Variants in DDX47 observed in about 807,000 individuals in gnomAD.
The protein encoded by DDX47 is DEAD-box helicase 47.
Under a neutral mutation model 58.8 loss-of-function variants are expected in DDX47, and 60 were observed. The observed-to-expected ratio is 1.02, with a 90% CI of 0.83 to 1.26. The LOEUF is 1.26. Among genes scored for constraint, DDX47 ranks in the 50% most tolerant of loss-of-function variants. DDX47 has a pLI of 0.00. For missense variants in DDX47, 530 were observed against 573.2 expected, an observed-to-expected ratio of 0.92 and a Z score of 0.77; for synonymous variants, 197 against 204.6, an observed-to-expected ratio of 0.96 and a Z score of 0.32.
chr12:12,824,240 C>T (rs1863017358), intron 8 of DDX47: 1 of 604,140 alleles, frequency 1.7e-6, no homozygotes, highest in Non-Finnish European at 2.7e-6. Flanking sequence ...GGTTTGCAAG[C>T]TGTTGAGTTG....
Position 12,824,644 on chromosome 12 carries a change from G to T in DDX47, c.1002G>T (p.Val334=). 6.2e-7 allele frequency: 1 copy of T among 1,614,148 alleles called. No individual in the cohort carries two copies. The highest frequency in any genetic ancestry group is 8.5e-7 in the Non-Finnish European group (1 of 1,180,020). The change falls in exon 9 of 12, where the codon GTG becomes GTT. Residue 334 remains valine, a synonymous_variant. Coordinates refer to ENST00000358007, the MANE Select transcript of DDX47 (RefSeq NM_016355.4). ...GTTTGGACATACCTCATGTAGATGT[G>T]GTTGTCAACTTTGACATTCCTACCC... ...SRGLDIPHVD[V]VVNFDIPTHS...
chr12:12,814,369 C>A (rs573627632), intron 2 of DDX47, 145 bp downstream of exon 2: 85 of 621,440 alleles, frequency 1.4e-4, no homozygotes, highest in Non-Finnish European at 1.3e-4. Context: ...TTGAAAATGT[C>A]ATTCTCCAAT....
intron 11 of DDX47, among the ~76,000 whole-genome samples, chr12:12,828,780 T>G (rs942756765): frequency 2.6e-5 from 4 of 152,236 alleles, no homozygotes; most frequent in African/African-American, 9.6e-5. Context: ...TGATAACATT[T>G]GGCTATTTTT....
intron 11 of DDX47, among the ~76,000 whole-genome samples, chr12:12,827,876 C>CTTTTTTT (rs58725534): frequency 6.8e-5 from 9 of 132,798 alleles, no homozygotes; most frequent in African/African-American, 1.1e-4. Context: ...TTTCTTTTTT[C>CTTTTTTT]TTTTTTTTTT....
chr12:12,816,126 G>A (rs1862890307), intron 2 of DDX47, among the ~76,000 whole-genome samples: 1 of 152,104 alleles, frequency 6.6e-6, no homozygotes, highest in Non-Finnish European at 1.5e-5. Flanking sequence ...ATACAAAAAA[G>A]GAACGGGGGA....
At chr12:12,827,951 C>G (rs1171958807) in intron 11 of DDX47, among the ~76,000 whole-genome samples, 1 of 147,110 alleles carries the variant, frequency 6.8e-6, no homozygotes, top group Non-Finnish European at 1.5e-5. Flanking sequence ...TCTCGGCTCA[C>G]CACAACCTCC....
Position 12,813,462 on chromosome 12 carries a change from T to C in DDX47, c.87+8T>C. On this transcript the variant is annotated splice_region_variant and intron_variant, in intron 1 of 11. Coordinates refer to ENST00000358007, the MANE Select transcript of DDX47 (RefSeq NM_016355.4). ...AAAACATTTAAAGACCTGGTGAGAA[T>C]GGATGACGCTGGCTTCTTTTATGTA... The C allele has an allele frequency of 6.2e-7, 1 of 1,600,762 alleles. No individual in the cohort carries two copies. The highest frequency in any genetic ancestry group is 8.5e-7 in the Non-Finnish European group (1 of 1,173,258).
chr12:12,829,410 T>C lies in DDX47; in HGVS notation c.1237-13T>C. ...ATTCATTTTCAATCCCATCCTCTCTTTTTTTCTTGCAGGAGTTAAGGGAGC... is the reference window on the plus strand; with the variant it reads ...ATTCATTTTCAATCCCATCCTCTCTCTTTTTCTTGCAGGAGTTAAGGGAGC... On this transcript the variant is annotated splice_polypyrimidine_tract_variant and intron_variant, in intron 11 of 11. Coordinates refer to ENST00000358007, the MANE Select transcript of DDX47 (RefSeq NM_016355.4). The C allele has an allele frequency of 1.3e-6, 2 of 1,599,498 alleles. No individual in the cohort carries two copies. Among genetic ancestry groups the C allele is most frequent in the Non-Finnish European group, 1.7e-6 (2 of 1,175,136 alleles).
intron 2 of DDX47, 30 bp downstream of exon 2, chr12:12,814,254 T>TCTTC (rs1862862579): frequency 1.5e-6 from 2 of 1,372,886 alleles, no homozygotes; most frequent in African/African-American, 2.8e-5. Flanking sequence ...ACAGATTTAA[T>TCTTC]ATAAAGTTAT....
At chr12:12,815,722 G>A (rs1862885305) in intron 2 of DDX47, among the ~76,000 whole-genome samples, 1 of 152,170 alleles carries the variant, frequency 6.6e-6, no homozygotes, top group African/African-American at 2.4e-5. Flanking sequence ...AGATTTGCAA[G>A]TACTTAGCAG....
intron 10 of DDX47, among the ~76,000 whole-genome samples, chr12:12,826,744 T>C (rs961735849): frequency 2.0e-5 from 3 of 151,714 alleles, no homozygotes; most frequent in Non-Finnish European, 4.4e-5. Context: ...GCCACCTGCC[T>C]GGCCGATTTT....
In DDX47 at chr12:12,829,459, C is replaced by G. The variant is rs745805168; in HGVS notation, c.1273C>G (p.Arg425Gly). The part of the protein sequence containing the change: ...REHGEKKKRS[R>G]EDAGDNDDTE... ...GCATGGAGAAAAGAAGAAACGCTCG[C>G]GAGAGGATGCTGGAGATAATGATGA... Residue 425 changes from arginine (R) to glycine (G), a missense_variant, in exon 12 of 12, where the codon CGA (arginine) becomes GGA (glycine). By Grantham distance (125) the Arg-to-Gly change is moderately radical. Coordinates refer to ENST00000358007, the MANE Select transcript of DDX47 (RefSeq NM_016355.4). 5 of 1,612,746 alleles carry G rather than the reference C, an allele frequency of 3.1e-6. No homozygotes were observed. The highest frequency in any genetic ancestry group is 4.2e-6 in the Non-Finnish European group (5 of 1,179,530).
At position 12,826,997 on chromosome 12, in the gene DDX47, T is replaced by C. The variant is rs539515396; in HGVS notation, c.1107-249T>C. On this transcript the variant is annotated intron_variant, in intron 10 of 11. Coordinates refer to ENST00000358007, the MANE Select transcript of DDX47 (RefSeq NM_016355.4). Reference sequence around the variant, plus strand: ...GTCTGGAACTCCTGGTCTCAAGTGATTCTCCTGCTTTGACCTCCCAAAGCG... The same window carrying C: ...GTCTGGAACTCCTGGTCTCAAGTGACTCTCCTGCTTTGACCTCCCAAAGCG... Among the ~76,000 whole-genome samples, 3 of 152,158 alleles carry C rather than the reference T, an allele frequency of 2.0e-5. No homozygotes were observed. The South Asian group carries it at 6.2e-4, about 32-fold the overall frequency.
At chr12:12,814,457 A>C in intron 2 of DDX47, 1 of 443,580 alleles carries the variant, frequency 2.3e-6, no homozygotes, top group Non-Finnish European at 4.1e-6. Flanking sequence ...AGGAAGCCCT[A>C]GGTTAAAGTT....
In DDX47 at chr12:12,824,885, G is replaced by A. The variant is rs79126384; in HGVS notation, c.1035+208G>A. The A allele has an allele frequency of 3.6e-3, 1,681 of 469,572 alleles. 23 individuals carry two copies. Among genetic ancestry groups the A allele is most frequent in the African/African-American group, 0.03 (1,508 of 50,444 alleles). The allele number at this position is 469,572 out of a possible 1,614,324, so 29.1% of individuals were successfully genotyped here. On this transcript the variant is annotated intron_variant, in intron 9 of 11. Transcript: ENST00000358007. ...CATATGAAAGAGGTAGCCAAGGAGA[G>A]TTATTAGATGCTCATAGAAGGGGCT...
chr12:12,813,575 TC>T, intron 1 of DDX47, 121 bp downstream of exon 1: 2 of 948,700 alleles, frequency 2.1e-6, no homozygotes, highest in Non-Finnish European at 3.2e-6. Context: ...GCTTGGGTTT[TC>T]CCCAGAATTT....
chr12:12,821,716 T>C lies in DDX47; in HGVS notation c.432T>C (p.His144=). 6.2e-7 allele frequency: 1 copy of C among 1,611,100 alleles called. No individual in the cohort carries two copies. The highest frequency in any genetic ancestry group is 8.5e-7 in the Non-Finnish European group (1 of 1,177,276). ...CTTTGGCCCTTGCAAAAAAACCACATATAATAATAGGTGAGTAACTGACAA... is the reference window on the plus strand; with the variant it reads ...CTTTGGCCCTTGCAAAAAAACCACACATAATAATAGGTGAGTAACTGACAA... The part of the protein sequence containing the change: ...SQSLALAKKP[H]IIIATPGRLI... Residue 144 remains histidine (H), a synonymous_variant, in exon 4 of 12, where the codon CAT becomes CAC. Coordinates refer to ENST00000358007, the MANE Select transcript of DDX47 (RefSeq NM_016355.4).
At position 12,827,372 on chromosome 12, in the gene DDX47, A is replaced by T. The variant is rs1863068280; in HGVS notation, c.1233A>T (p.Arg411=). 6.2e-7 allele frequency: 1 copy of T among 1,614,096 alleles called. No individual in the cohort carries two copies. Among genetic ancestry groups the T allele is most frequent in the Non-Finnish European group, 8.5e-7 (1 of 1,179,992 alleles). Residue 411 remains arginine (R), a synonymous_variant, in exon 11 of 12, where the codon CGA becomes CGT. Transcript: ENST00000358007. The part of the protein sequence containing the change: ...ERVAEAQRFA[R]MELREHGEKK... ...TCGCTGAAGCCCAAAGGTTTGCCCG[A>T]ATGGTATGCATCTTTCTTTTCTCAC...
In DDX47 at chr12:12,824,605, C is replaced by T. The variant is rs201910057; in HGVS notation, c.963C>T (p.Asp321=). ...AKARSILLAT[D]VASRGLDIPH... ...CCCGTTCCATTCTTCTAGCAACTGA[C>T]GTTGCCAGCCGAGGTTTGGACATAC... Residue 321 remains aspartate, a synonymous_variant, in exon 9 of 12, where the codon GAC becomes GAT. Coordinates refer to ENST00000358007, the MANE Select transcript of DDX47 (RefSeq NM_016355.4). 22 of 1,614,114 alleles carry T rather than the reference C, an allele frequency of 1.4e-5. No individual in the cohort carries two copies. The Middle Eastern group carries it at 6.6e-4, about 48-fold the overall frequency.
Sources: allele counts gnomAD v4.1 joint callset (sites outside exome capture counted in the v4.1 genomes callset), GRCh38; gene constraint gnomAD v4.1.1; transcripts MANE v1.5; gene names NCBI Gene and HGNC (gene_info 2026-07-23, HGNC 2026-07-21).